Variants in ZNF83 observed in about 807,000 individuals in gnomAD.
ZNF83 encodes the protein zinc finger protein 83.
For missense variants in ZNF83, 552 were observed against 629.9 expected (o/e 0.88, Z 1.32); for synonymous variants, 209 against 213.0 (o/e 0.98, Z 0.17).
At position 52,676,535 on chromosome 19, in the gene ZNF83, C is replaced by T. The variant is rs1170427578; in HGVS notation, c.-283+13908G>A. 2.6e-5 allele frequency among the ~76,000 whole-genome samples: 4 copies of T among 151,758 alleles called. No individual in the cohort carries two copies. In the East Asian group the frequency reaches 7.8e-4, roughly 30 times the overall value. On this transcript the variant is annotated intron_variant, in intron 1 of 5. Transcript: ENST00000594682. ...GCCCCCGCCCGGCCAGCCGCCCCGT[C>T]TGGGAGGGAGGTGGGGGGCGCCTCT...
rs201476676 is a variant in ZNF83, at chr19:52,623,296, C to CGTAA, written c.-233-8503_-233-8500dup. Among the ~76,000 whole-genome samples, 1,509 of 152,178 alleles carry CGTAA rather than the reference C, an allele frequency of 9.9e-3. 28 individuals are homozygous for CGTAA. Among genetic ancestry groups the CGTAA allele is most frequent in the African/African-American group, 0.033 (1,385 of 41,520 alleles). On this transcript the variant is annotated intron_variant, in intron 2 of 2. Transcript: ENST00000301096. ...GCTTTGGGTAACTCTTACAGTGGGG[C>CGTAA]GTAAGTCCATCCCCTGTTTAATTGA...
intron 2 of ZNF83, among the ~76,000 whole-genome samples, chr19:52,624,388 C>G (rs1286359099): frequency 1.3e-5 from 2 of 152,190 alleles, no homozygotes; most frequent in African/African-American, 4.8e-5. Context: ...GCTGATCTCT[C>G]AAACCCCAAC....
At chr19:52,685,059 A>G (rs1250035772) in intron 1 of ZNF83, among the ~76,000 whole-genome samples, 1 of 152,190 alleles carries the variant, frequency 6.6e-6, no homozygotes, top group East Asian at 1.9e-4. Context: ...TGTTTCTTCC[A>G]TTCTTCTGCT....
At chr19:52,653,955 G>A in intron 3 of ZNF83, 2 of 1,248,644 alleles carry the variant, frequency 1.6e-6, no homozygotes, top group Non-Finnish European at 2.3e-6. Flanking sequence ...ATGAAGAATG[G>A]AGAAAGTTCT....
chr19:52,614,352 A>G (rs201376158), exon 3 of ZNF83: 3 of 1,612,744 alleles, frequency 1.9e-6, no homozygotes, highest in East Asian at 4.5e-5. Context: ...AATTACATTC[A>G]TATGTATGAG....
exon 2 of ZNF83, chr19:52,635,088 G>A (rs763743188): frequency 1.4e-6 from 1 of 715,416 alleles, no homozygotes; most frequent in Non-Finnish European, 2.5e-6. Flanking sequence ...CATTCCTGAC[G>A]CCTTTGCTTT....
chr19:52,620,353 G>A (rs2060498745), intron 2 of ZNF83, among the ~76,000 whole-genome samples: 1 of 151,470 alleles, frequency 6.6e-6, no homozygotes, highest in Non-Finnish European at 1.5e-5. Flanking sequence ...AACTTTGGCA[G>A]TTGAGGGCAG....
At chr19:52,655,722 G>A in intron 2 of ZNF83, 1 of 845,962 alleles carries the variant, frequency 1.2e-6, no homozygotes, top group East Asian at 2.5e-5. Flanking sequence ...AAAACATTAG[G>A]GAGGAGTCAT....
intron 1 of ZNF83, among the ~76,000 whole-genome samples, chr19:52,671,654 G>A (rs1398449966): frequency 1.3e-5 from 2 of 152,026 alleles, no homozygotes; most frequent in Non-Finnish European, 2.9e-5. Flanking sequence ...TGATGCTCAG[G>A]CTAGCCTTCA....
chr19:52,686,611 C>A (rs2062021610), intron 1 of ZNF83, among the ~76,000 whole-genome samples: 1 of 151,814 alleles, frequency 6.6e-6, no homozygotes, highest in South Asian at 2.1e-4. Flanking sequence ...ACTCGCTATG[C>A]CACCCAGGCT....
At chr19:52,688,020 C>T (rs757702900) in intron 1 of ZNF83, among the ~76,000 whole-genome samples, 42 of 152,050 alleles carry the variant, frequency 2.8e-4, no homozygotes, top group Non-Finnish European at 4.9e-4. Context: ...ACAGAATGTA[C>T]ATGTCTCATA....
Position 52,648,075 on chromosome 19 carries a change from C to T in ZNF83, c.-74+7486G>A, listed in dbSNP as rs141315716. On this transcript the variant is annotated intron_variant, in intron 3 of 5. Coordinates refer to the ZNF83 transcript ENST00000594682. ...CCCTTTTTGCTGCCCCTCTTCCTGC[C>T]TTGCTGTTCTTCATCTCTCTGTACA... 3.9e-3 allele frequency among the ~76,000 whole-genome samples: 595 copies of T among 152,132 alleles called. 2 individuals carry two copies. The highest frequency in any genetic ancestry group is 7.4e-3 in the Admixed American group (113 of 15,252).
intron 2 of ZNF83, among the ~76,000 whole-genome samples, chr19:52,633,903 T>A (rs2061057024): frequency 6.6e-6 from 1 of 151,266 alleles, no homozygotes; most frequent in Admixed American, 6.6e-5. Context: ...AGAGTGAAAC[T>A]CTCTCAAAAT....
intron 1 of ZNF83, among the ~76,000 whole-genome samples, chr19:52,670,261 C>T (rs1158612259): frequency 1.3e-5 from 2 of 152,126 alleles, no homozygotes; most frequent in African/African-American, 4.8e-5. Context: ...CACCCTCATT[C>T]CATAACATTT....
chr19:52,680,907 C>T lies in ZNF83; in HGVS notation c.-283+9536G>A, dbSNP rs1390579701. 5.3e-5 allele frequency among the ~76,000 whole-genome samples: 8 copies of T among 151,936 alleles called. No individual in the cohort carries two copies. The South Asian group carries it at 6.3e-4, about 12-fold the overall frequency. ...GATTACAGGCGTGAGCCACCGCGCC[C>T]GGCCTCCACAAAATATTTTAAGATC... On this transcript the variant is annotated intron_variant, in intron 1 of 5. Transcript: ENST00000594682.
intron 2 of ZNF83, among the ~76,000 whole-genome samples, chr19:52,623,808 T>G (rs1195888553): frequency 6.6e-6 from 1 of 152,166 alleles, no homozygotes; most frequent in Non-Finnish European, 1.5e-5. Flanking sequence ...TAAAAACTCC[T>G]TATGATTCCC....
At chr19:52,624,965 G>A (rs915880728) in intron 2 of ZNF83, among the ~76,000 whole-genome samples, 5 of 151,980 alleles carry the variant, frequency 3.3e-5, no homozygotes, top group Admixed American at 1.3e-4. Context: ...AATCCAGCCT[G>A]CCACATTATT....
At chr19:52,677,960 G>C (rs546859388) in intron 1 of ZNF83, among the ~76,000 whole-genome samples, 4 of 151,830 alleles carry the variant, frequency 2.6e-5, no homozygotes, top group African/African-American at 9.7e-5. Context: ...GCTTGAACCT[G>C]GGAGTCGGAG....
At chr19:52,636,131 T>C (rs1456400992) in intron 1 of ZNF83, 1 of 138,742 alleles carries the variant, frequency 7.2e-6, no homozygotes, top group Non-Finnish European at 1.5e-5. Flanking sequence ...ACCTCGTTTC[T>C]ACAAAAAAAA....
Sources: gnomAD v4.1 joint callset for allele counts (sites outside exome capture counted in the v4.1 genomes callset) on GRCh38, gnomAD v4.1.1 for gene constraint, MANE v1.5 for transcripts, NCBI Gene and HGNC (gene_info 2026-07-23, HGNC 2026-07-21) for gene names.